The following PIWIL2 variants were observed in gnomAD, a reference collection of about 807,000 sequenced individuals.
The protein encoded by PIWIL2 is piwi like RNA-mediated gene silencing 2, also known as piwi-like protein 2.
PIWIL2 carries 81 observed loss-of-function variants against 116.5 expected under a neutral mutation model. The observed-to-expected ratio is 0.70, with a 90% CI of 0.58 to 0.84. PIWIL2 has a LOEUF of 0.84. PIWIL2 is among the 40% of genes least tolerant of loss of function. The pLI is 0.00. For synonymous variants in PIWIL2, 489 were observed against 429.5 expected, an observed-to-expected ratio of 1.14 and a Z score of -1.71; for missense variants, 1,272 against 1,212.3, an observed-to-expected ratio of 1.05 and a Z score of -0.73.
intron 20 of PIWIL2, among the ~76,000 whole-genome samples, chr8:22,336,837 A>T (rs1056820095): frequency 1.3e-5 from 2 of 152,084 alleles, no homozygotes; most frequent in African/African-American, 2.4e-5. Flanking sequence ...CTTTGAGGAG[A>T]TAAAGTTGAC....
chr8:22,319,945 C>T (rs945341480), intron 20 of PIWIL2, among the ~76,000 whole-genome samples: 3 of 152,210 alleles, frequency 2.0e-5, no homozygotes, highest in African/African-American at 7.2e-5. Flanking sequence ...GAACATGTGG[C>T]ACCAGAGATA....
chr8:22,341,780 T>A (rs917831618), intron 20 of PIWIL2, among the ~76,000 whole-genome samples: 11 of 152,030 alleles, frequency 7.2e-5, no homozygotes, highest in African/African-American at 2.4e-4. Flanking sequence ...CTCCTGGAAG[T>A]CCTAGCTAAT....
intron 20 of PIWIL2, among the ~76,000 whole-genome samples, chr8:22,323,509 C>G (rs1259561454): frequency 6.6e-6 from 1 of 152,128 alleles, no homozygotes; most frequent in Non-Finnish European, 1.5e-5. Flanking sequence ...GGATTATAGG[C>G]GTGAGCCACA....
rs768657372 is a variant in PIWIL2, at chr8:22,355,393, C to A, written c.2810C>A (p.Thr937Asn). ...CACATGTACTGGAATTGGCCTGGCA[C>A]CATCAGAGTTCCAGCTCCTTGCAAG... ...LCHMYWNWPGTIRVPAPCKYA... is the reference protein window; with the variant it reads ...LCHMYWNWPGNIRVPAPCKYA... The change falls in exon 23 of 23, where the codon ACC becomes AAC. Residue 937 changes from threonine (T) to asparagine (N), a missense_variant. Coordinates refer to ENST00000356766, the MANE Select transcript of PIWIL2 (RefSeq NM_018068.5). 1.9e-5 allele frequency: 31 copies of A among 1,614,030 alleles called. No individual in the cohort carries two copies. The highest frequency in any genetic ancestry group is 2.5e-5 in the Non-Finnish European group (30 of 1,179,998).
intron 6 of PIWIL2, among the ~76,000 whole-genome samples, chr8:22,285,458 A>G (rs375302248): frequency 2.0e-5 from 3 of 152,132 alleles, no homozygotes; most frequent in African/African-American, 7.2e-5. Context: ...CACTTTATCC[A>G]TTCAGTGGAC....
rs1481933308 is a variant in PIWIL2 at position 22,281,199 on chromosome 8, T to C, written c.278T>C (p.Leu93Pro). ...AAGACCCCTCTGAAACGGGAAATGCTTCCATCAGGTATGTGGAAAACTAAC... is the reference window on the plus strand; with the variant it reads ...AAGACCCCTCTGAAACGGGAAATGCCTCCATCAGGTATGTGGAAAACTAAC... The part of the protein sequence containing the change: ...VSKTPLKREM[L>P]PSGRGILGRG... Residue 93 changes from leucine to proline, a missense_variant, in exon 3 of 23, where the codon CTT becomes CCT. Leu to Pro is a moderately conservative substitution (Grantham distance 98). Coordinates refer to ENST00000356766, the MANE Select transcript of PIWIL2 (RefSeq NM_018068.5). 3 of 1,609,868 alleles carry C rather than the reference T, an allele frequency of 1.9e-6. No individual in the cohort carries two copies. Among genetic ancestry groups the C allele is most frequent in the Admixed American group, 1.7e-5 (1 of 59,556 alleles).
At chr8:22,309,164 C>G (rs895403285) in intron 14 of PIWIL2, among the ~76,000 whole-genome samples, 4 of 151,668 alleles carry the variant, frequency 2.6e-5, no homozygotes, top group Non-Finnish European at 5.9e-5. Flanking sequence ...GTTTCACCAT[C>G]TTGGCCAGGC....
chr8:22,351,131 A>G (rs1019636337), intron 20 of PIWIL2, among the ~76,000 whole-genome samples: 4 of 152,046 alleles, frequency 2.6e-5, no homozygotes, highest in Non-Finnish European at 4.4e-5. Context: ...AGCCTGGGCA[A>G]CAGAGCGAGA....
intron 10 of PIWIL2, among the ~76,000 whole-genome samples, chr8:22,291,155 CT>C (rs960886438): frequency 2.0e-4 from 29 of 144,176 alleles, no homozygotes; most frequent in Admixed American, 3.5e-4. Flanking sequence ...CTTTTCTTTT[CT>C]TTTTTTTTTT....
intron 1 of PIWIL2, among the ~76,000 whole-genome samples, chr8:22,278,616 C>T (rs971000895): frequency 3.9e-5 from 6 of 152,212 alleles, no homozygotes; most frequent in Non-Finnish European, 7.3e-5. Flanking sequence ...AAGGAGGACA[C>T]GGGCCTCTAA....
intron 19 of PIWIL2, among the ~76,000 whole-genome samples, chr8:22,317,301 T>C (rs1447902371): frequency 6.6e-6 from 1 of 152,186 alleles, no homozygotes; most frequent in Non-Finnish European, 1.5e-5. Flanking sequence ...CTTTTATTCA[T>C]ATTAACAGTT....
At position 22,281,225 on chromosome 8, in the gene PIWIL2, T is replaced by C; in HGVS notation, c.286+18T>C. ...TCCATCAGGTATGTGGAAAACTAACTTGAGAAATTTGGTGGTATGTATGAT... is the reference window on the plus strand; with the variant it reads ...TCCATCAGGTATGTGGAAAACTAACCTGAGAAATTTGGTGGTATGTATGAT... On this transcript the variant is annotated intron_variant, in intron 3 of 22. Coordinates refer to ENST00000356766, the MANE Select transcript of PIWIL2 (RefSeq NM_018068.5). 6 of 1,583,774 alleles carry C rather than the reference T, an allele frequency of 3.8e-6. No homozygotes were observed. Among genetic ancestry groups the C allele is most frequent in the Non-Finnish European group, 5.2e-6 (6 of 1,159,922 alleles).
intron 20 of PIWIL2, among the ~76,000 whole-genome samples, chr8:22,345,222 A>C (rs1174360994): frequency 1.3e-5 from 2 of 152,264 alleles, no homozygotes; most frequent in Non-Finnish European, 2.9e-5. Flanking sequence ...CAGATTTACC[A>C]CATGACCCAA....
chr8:22,277,024 T>C (rs901238345), intron 1 of PIWIL2, among the ~76,000 whole-genome samples: 2 of 135,148 alleles, frequency 1.5e-5, no homozygotes, highest in African/African-American at 6.1e-5. Flanking sequence ...AAGTGATATA[T>C]ATATATATAT....
At position 22,311,104 on chromosome 8, in the gene PIWIL2, G is replaced by T. The variant is rs1294191712; in HGVS notation, c.1801-8G>T. 1.9e-6 allele frequency: 3 copies of T among 1,595,662 alleles called. No individual in the cohort carries two copies. Among genetic ancestry groups the T allele is most frequent in the East Asian group, 2.2e-5 (1 of 44,606 alleles). On this transcript the variant is annotated splice_region_variant and splice_polypyrimidine_tract_variant and intron_variant, in intron 15 of 22. Transcript: ENST00000356766. The stretch of plus-strand genomic sequence containing the variant: ...TGAGAAATACTAAAAGCTCTTGGTT[G>T]TTCCTAGATCCCCATGCATTTCTGG...
rs1185646640 is a variant in PIWIL2, at chr8:22,356,869, T to A, written c.*1364T>A. The A allele has an allele frequency of 2.0e-5, 3 of 152,126 alleles. No individual in the cohort carries two copies. Among genetic ancestry groups the A allele is most frequent in the Admixed American group, 6.6e-5 (1 of 15,258 alleles). The allele number at this position is 152,126 out of a possible 1,614,324, so 9.4% of individuals were successfully genotyped here. On this transcript the variant is annotated 3_prime_UTR_variant, in exon 23 of 23. Coordinates refer to ENST00000356766, the MANE Select transcript of PIWIL2 (RefSeq NM_018068.5). ...TTTTTCTGGTTTTTTTTCCCCCCTCTCCATTTTAGAATCTTCTCCCAGTCC... is the reference window on the plus strand; with the variant it reads ...TTTTTCTGGTTTTTTTTCCCCCCTCACCATTTTAGAATCTTCTCCCAGTCC...
At chr8:22,324,433 C>T (rs748271219) in intron 20 of PIWIL2, among the ~76,000 whole-genome samples, 2 of 152,122 alleles carry the variant, frequency 1.3e-5, no homozygotes, top group Non-Finnish European at 2.9e-5. Flanking sequence ...ACTAGCCTAG[C>T]AAACGTCTCC....
At chr8:22,315,910 C>G (rs1831447191) in intron 18 of PIWIL2, among the ~76,000 whole-genome samples, 1 of 152,184 alleles carries the variant, frequency 6.6e-6, no homozygotes, top group South Asian at 2.1e-4. Flanking sequence ...ATCTGAAACA[C>G]TCCAAAATCT....
chr8:22,330,395 C>G (rs546989844), intron 20 of PIWIL2, among the ~76,000 whole-genome samples: 3 of 151,986 alleles, frequency 2.0e-5, no homozygotes, highest in South Asian at 2.1e-4. Flanking sequence ...GTTCTTTGAA[C>G]AATATTTAAA....
Sources: gnomAD v4.1 joint callset for allele counts (sites outside exome capture counted in the v4.1 genomes callset) on GRCh38, gnomAD v4.1.1 for gene constraint, MANE v1.5 for transcripts, NCBI Gene and HGNC (gene_info 2026-07-23, HGNC 2026-07-21) for gene names.